The following SLC2A12 variants were observed in gnomAD, a reference collection of about 807,000 sequenced individuals.
SLC2A12 encodes the protein solute carrier family 2, facilitated glucose transporter member 12.
SLC2A12 carries 23 observed loss-of-function variants against 41.8 expected under a neutral mutation model. That is an observed-to-expected ratio of 0.55 (90% CI 0.40 to 0.78). The LOEUF (loss-of-function observed/expected upper bound fraction) is 0.78, where lower values mean the gene tolerates loss of function less well. SLC2A12 is among the 30% of genes least tolerant of loss of function. The pLI, the probability that SLC2A12 is intolerant of heterozygous loss-of-function variation, is 0.00. For missense variants in SLC2A12, 654 were observed against 745.6 expected (o/e 0.88, Z 1.43); for synonymous variants, 295 against 285.9 (o/e 1.03, Z -0.32).
chr6:134,045,318 T>C (rs1166166515), intron 1 of SLC2A12, among the ~76,000 whole-genome samples: 1 of 152,162 alleles, frequency 6.6e-6, no homozygotes, highest in African/African-American at 2.4e-5. Context: ...TGGCTGGTAA[T>C]ATGGGTCAAG....
At chr6:134,016,091 T>A (rs1396638230) in intron 2 of SLC2A12, among the ~76,000 whole-genome samples, 1 of 152,108 alleles carries the variant, frequency 6.6e-6, no homozygotes, top group Non-Finnish European at 1.5e-5. Flanking sequence ...TCACATTTCT[T>A]CATGTCTTAT....
At chr6:134,007,073 G>C (rs1179695318) in intron 2 of SLC2A12, 139 bp from the exon 3 acceptor site, 1 of 1,214,186 alleles carries the variant, frequency 8.2e-7, no homozygotes, top group Non-Finnish European at 1.1e-6. Flanking sequence ...TACCTCAGCA[G>C]AACAGGACAG....
At position 134,046,353 on chromosome 6, in the gene SLC2A12, A is replaced by G. The variant is rs532290808; in HGVS notation, c.103+6025T>C. The stretch of plus-strand genomic sequence containing the variant: ...ATTACACTTGCTTTACTTAAAAAAT[A>G]TATTCCTAAAAGTCAAACAAGAATT... On this transcript the variant is annotated intron_variant, in intron 1 of 4. Transcript: ENST00000275230. 5.9e-5 allele frequency among the ~76,000 whole-genome samples: 9 copies of G among 152,344 alleles called. No individual in the cohort carries two copies. The East Asian group carries it at 1.7e-3, about 29-fold the overall frequency.
intron 2 of SLC2A12, among the ~76,000 whole-genome samples, chr6:134,008,167 G>GC (rs1477079734): frequency 2.6e-5 from 4 of 152,144 alleles, no homozygotes; most frequent in African/African-American, 9.7e-5. Context: ...GCCAGGGAGA[G>GC]GCCGCTCTGG....
intron 1 of SLC2A12, among the ~76,000 whole-genome samples, chr6:134,039,007 C>T (rs1777344943): frequency 6.6e-6 from 1 of 152,072 alleles, no homozygotes; most frequent in Admixed American, 6.6e-5. Flanking sequence ...ACCCAGCCTC[C>T]TTTCTTCCTT....
In SLC2A12 at chr6:133,991,222, T is replaced by C. The variant is rs1279128970; in HGVS notation, c.1787A>G (p.Glu596Gly). 1.2e-6 allele frequency: 2 copies of C among 1,614,176 alleles called. No individual in the cohort carries two copies. The highest frequency in any genetic ancestry group is 2.2e-5 in the South Asian group (2 of 91,074). Residue 596 changes from glutamate to glycine, a missense_variant, in exon 5 of 5, where the codon GAG (glutamate) becomes GGG (glycine). Physicochemically the swap from Glu to Gly is moderately conservative, Grantham distance 98. This residue lies in a region of SLC2A12 where 134 missense variants were observed against 180.5 expected (regional missense o/e 0.74). Transcript: ENST00000275230. The part of the protein sequence containing the change: ...PKQPQKRKPQ[E>G]QLLECNKLCG... The stretch of plus-strand genomic sequence containing the variant: ...CAGCTTGTTACACTCCAAGAGCTGC[T>C]CCTGGGGTTTTCTTTTTTGAGGCTG...
chr6:133,992,745 C>T (rs1776640135), intron 4 of SLC2A12, among the ~76,000 whole-genome samples: 1 of 152,108 alleles, frequency 6.6e-6, no homozygotes, highest in Non-Finnish European at 1.5e-5. Flanking sequence ...GAGCATGGGC[C>T]TCCAGGTCGT....
intron 4 of SLC2A12, among the ~76,000 whole-genome samples, chr6:133,993,530 T>C (rs754340139): frequency 2.6e-5 from 4 of 152,240 alleles, no homozygotes; most frequent in Non-Finnish European, 5.9e-5. Context: ...TTCGATTATA[T>C]GCCAAGGAAT....
At chr6:134,015,310 G>A (rs1442174709) in intron 2 of SLC2A12, among the ~76,000 whole-genome samples, 2 of 152,072 alleles carry the variant, frequency 1.3e-5, no homozygotes, top group African/African-American at 2.4e-5. Flanking sequence ...GGGGCCTATC[G>A]AAGGAGTGTG....
At chr6:134,035,151 C>CAAAAAAAAAAAAAAAAAAA (rs71003662) in intron 1 of SLC2A12, among the ~76,000 whole-genome samples, 2 of 107,910 alleles carry the variant, frequency 1.9e-5, no homozygotes, top group Admixed American at 1.0e-4. Flanking sequence ...GGCTGCCTGA[C>CAAAAAAAAAAAAAAAAAAA]AAAAAAAAAA....
chr6:134,019,208 T>TA (rs546933066), intron 2 of SLC2A12, among the ~76,000 whole-genome samples: 4 of 152,082 alleles, frequency 2.6e-5, no homozygotes, highest in South Asian at 2.1e-4. Context: ...ATAATTATTA[T>TA]AAAAAAAACA....
Position 134,026,532 on chromosome 6 carries a change from C to T in SLC2A12, c.1444+1849G>A, listed in dbSNP as rs1582614879. On this transcript the variant is annotated intron_variant, in intron 2 of 4. Coordinates refer to ENST00000275230, the MANE Select transcript of SLC2A12 (RefSeq NM_145176.3). ...CATTAGCTTAAAGTGTCATAGTAGCCATATGAGTATCTCATAGGTATACAC... is the reference window on the plus strand; with the variant it reads ...CATTAGCTTAAAGTGTCATAGTAGCTATATGAGTATCTCATAGGTATACAC... 3.9e-5 allele frequency among the ~76,000 whole-genome samples: 6 copies of T among 152,244 alleles called. No homozygotes were observed. The South Asian group carries it at 1.0e-3, about 26-fold the overall frequency.
At chr6:133,999,380 G>T (rs1776729664) in intron 4 of SLC2A12, among the ~76,000 whole-genome samples, 11 of 152,238 alleles carry the variant, frequency 7.2e-5, no homozygotes, top group Admixed American at 6.5e-4. Flanking sequence ...ATTAAATGTG[G>T]TCAGAAATTC....
chr6:134,037,207 T>A (rs908893293), intron 1 of SLC2A12, among the ~76,000 whole-genome samples: 4 of 136,236 alleles, frequency 2.9e-5, no homozygotes, highest in African/African-American at 5.7e-5. Context: ...CAGGCTGGAG[T>A]GCAGTGGCGC....
intron 2 of SLC2A12, among the ~76,000 whole-genome samples, chr6:134,010,410 A>G (rs992548874): frequency 6.6e-6 from 1 of 152,174 alleles, no homozygotes; most frequent in Non-Finnish European, 1.5e-5. Flanking sequence ...AGCACTTGTA[A>G]CAGAGACACA....
intron 4 of SLC2A12, among the ~76,000 whole-genome samples, chr6:133,994,990 G>A (rs1036091866): frequency 4.6e-5 from 7 of 152,198 alleles, no homozygotes; most frequent in African/African-American, 1.7e-4. Flanking sequence ...TGACCACAGA[G>A]TTAACCAACA....
intron 1 of SLC2A12, among the ~76,000 whole-genome samples, chr6:134,033,410 G>T (rs1777249649): frequency 1.3e-5 from 2 of 152,076 alleles, no homozygotes; most frequent in Admixed American, 1.3e-4. Flanking sequence ...ACCACAAGGA[G>T]AATTAGGTCA....
chr6:134,022,949 TCAAC>T (rs1354963544), intron 2 of SLC2A12, among the ~76,000 whole-genome samples: 1 of 152,222 alleles, frequency 6.6e-6, no homozygotes, highest in Non-Finnish European at 1.5e-5. Context: ...TTAGTCTGTC[TCAAC>T]CAACCAATAA....
chr6:133,994,925 A>C (rs894585147), intron 4 of SLC2A12, among the ~76,000 whole-genome samples: 6 of 152,220 alleles, frequency 3.9e-5, no homozygotes, highest in African/African-American at 7.2e-5. Flanking sequence ...ATCCCCAGCC[A>C]AGAGCACTAT....
Sources: allele counts gnomAD v4.1 joint callset (sites outside exome capture counted in the v4.1 genomes callset), GRCh38; gene constraint gnomAD v4.1.1; regional missense constraint gnomAD v4.1.1; transcripts MANE v1.5; gene names NCBI Gene and HGNC (gene_info 2026-07-23, HGNC 2026-07-21).